Variants in RAPGEF2 observed in about 807,000 individuals in gnomAD.
RAPGEF2 encodes Rap guanine nucleotide exchange factor 2, also known as PDZ domain containing guanine nucleotide exchange factor (GEF) 1.
Under a neutral mutation model 186.7 loss-of-function variants are expected in RAPGEF2, and 54 were observed. That is an observed-to-expected ratio of 0.29 (90% CI 0.23 to 0.36). The LOEUF (loss-of-function observed/expected upper bound fraction) is 0.36. Ranked by LOEUF, RAPGEF2 falls within the 10% of genes least tolerant of loss-of-function variation. RAPGEF2 has a pLI of 1.00. For synonymous variants in RAPGEF2, 712 were observed against 705.9 expected (o/e 1.01, Z -0.14); for missense variants, 1,532 against 2,045.0 (o/e 0.75, Z 4.84).
At position 159,193,191 on chromosome 4, in the gene RAPGEF2, C is replaced by G. The variant is rs748147960; in HGVS notation, c.141-9C>G. The stretch of plus-strand genomic sequence containing the variant: ...AGATGTTGAACTCATGTTTTTATCT[C>G]TTTTACAGGTTAATGTGTGAAACTG... On this transcript the variant is annotated splice_polypyrimidine_tract_variant and intron_variant, in intron 2 of 29. Transcript: ENST00000691494. 1.0e-4 allele frequency: 150 copies of G among 1,478,916 alleles called. No individual in the cohort carries two copies. The highest frequency in any genetic ancestry group is 1.3e-4 in the Non-Finnish European group (144 of 1,118,588). 91.6% of individuals were successfully genotyped at this position (1,478,916 alleles called of 1,614,324 possible). A position where few individuals can be genotyped will look rare whatever the true frequency, so the allele number is the denominator to read the frequency against.
intron 1 of RAPGEF2, among the ~76,000 whole-genome samples, chr4:159,140,989 G>C (rs1009355736): frequency 6.6e-6 from 1 of 151,950 alleles, no homozygotes; most frequent in African/African-American, 2.4e-5. Context: ...CTGCCACCAC[G>C]GCTGGCTAAT....
intron 3 of RAPGEF2, among the ~76,000 whole-genome samples, chr4:159,198,330 CTTTCT>C (rs750120727): frequency 0.018 from 1,283 of 70,282 alleles, 64 homozygotes; most frequent in African/African-American, 0.081. Flanking sequence ...TTCTTTCTTT[CTTTCT>C]TTTTCTTTCT....
chr4:159,225,156 A>G (rs1324758383), intron 4 of RAPGEF2, among the ~76,000 whole-genome samples: 1 of 152,164 alleles, frequency 6.6e-6, no homozygotes, highest in African/African-American at 2.4e-5. Flanking sequence ...AGAGTTGGGT[A>G]AATAGAAAGA....
chr4:159,145,470 CA>C (rs1261997751), intron 1 of RAPGEF2, among the ~76,000 whole-genome samples: 1 of 151,782 alleles, frequency 6.6e-6, no homozygotes, highest in African/African-American at 2.4e-5. Context: ...GATAATTTAC[CA>C]AAAACATTGC....
In RAPGEF2 at chr4:159,332,624, G is replaced by C. The variant is rs1201933588; in HGVS notation, c.2062G>C (p.Val688Leu). 6.2e-7 allele frequency: 1 copy of C among 1,614,144 alleles called. No individual in the cohort carries two copies. The highest frequency in any genetic ancestry group is 1.1e-5 in the South Asian group (1 of 91,074). The change falls in exon 17 of 30, where the codon GTG becomes CTG. Residue 688 changes from valine to leucine, a missense_variant. This residue lies in a region of RAPGEF2 where 810 missense variants were observed against 1,210.5 expected (regional missense o/e 0.67). Coordinates refer to ENST00000691494, the MANE Select transcript of RAPGEF2 (RefSeq NM_001394067.2). The stretch of plus-strand genomic sequence containing the variant: ...GAACAAAAAAAGTAAAGCCAACACT[G>C]TGGGAGGAAGGAACAAGCTGAAAAA... ...KVNKKSKANT[V>L]GGRNKLKKIL...
intron 1 of RAPGEF2, among the ~76,000 whole-genome samples, chr4:159,116,990 A>G (rs1407442670): frequency 1.3e-5 from 2 of 152,200 alleles, no homozygotes; most frequent in Non-Finnish European, 2.9e-5. Context: ...GTTACCTATA[A>G]CAAGCCTGCA....
intron 3 of RAPGEF2, among the ~76,000 whole-genome samples, chr4:159,194,978 TGAGGGAATG>T (rs1748485461): frequency 6.6e-6 from 1 of 152,134 alleles, no homozygotes; most frequent in Non-Finnish European, 1.5e-5. Context: ...AGGCAAAGAC[TGAGGGAATG>T]GAGGAGTCAG....
intron 18 of RAPGEF2, among the ~76,000 whole-genome samples, 166 bp downstream of exon 18, chr4:159,338,634 TTC>T (rs1469171606): frequency 1.3e-5 from 2 of 152,254 alleles, no homozygotes; most frequent in African/African-American, 4.8e-5. Flanking sequence ...TTGGAACCAG[TTC>T]TCTTTACATT....
At chr4:159,108,770 G>A (rs1439417067) in intron 1 of RAPGEF2, among the ~76,000 whole-genome samples, 3 of 152,118 alleles carry the variant, frequency 2.0e-5, no homozygotes, top group Non-Finnish European at 4.4e-5. Flanking sequence ...TTGGAATAGG[G>A]TCTTGCTTTG....
chr4:159,342,899 T>G, intron 20 of RAPGEF2, 80 bp from the exon 21 acceptor site: 1 of 1,225,276 alleles, frequency 8.2e-7, no homozygotes, highest in Non-Finnish European at 1.2e-6. Flanking sequence ...AGCATAAACA[T>G]AGAGATGTTA....
At chr4:159,269,528 A>G (rs932051569) in intron 7 of RAPGEF2, among the ~76,000 whole-genome samples, 8 of 152,236 alleles carry the variant, frequency 5.3e-5, no homozygotes, top group African/African-American at 9.6e-5. Context: ...CTTTGAAATT[A>G]AACTCTTCTG....
intron 1 of RAPGEF2, among the ~76,000 whole-genome samples, chr4:159,129,788 G>GA (rs1214047400): frequency 1.3e-5 from 2 of 152,176 alleles, no homozygotes; most frequent in Non-Finnish European, 2.9e-5. Context: ...TCCGGACCCT[G>GA]AAAAGAGGGT....
At chr4:159,341,430 G>A (rs1729456279) in intron 19 of RAPGEF2, 134 bp from the exon 20 acceptor site, 3 of 887,904 alleles carry the variant, frequency 3.4e-6, no homozygotes, top group Non-Finnish European at 5.0e-6. Flanking sequence ...TGTCTGTCTT[G>A]GTTAAAAAGA....
At chr4:159,143,001 T>C (rs1464188154) in intron 1 of RAPGEF2, among the ~76,000 whole-genome samples, 1 of 152,222 alleles carries the variant, frequency 6.6e-6, no homozygotes, top group Non-Finnish European at 1.5e-5. Flanking sequence ...ATATAATTTG[T>C]GAATTGAGCT....
chr4:159,109,477 T>G (rs1738257805), intron 1 of RAPGEF2, among the ~76,000 whole-genome samples: 1 of 152,238 alleles, frequency 6.6e-6, no homozygotes, highest in Non-Finnish European at 1.5e-5. Context: ...GGATAATAGC[T>G]GTCTGAGGTT....
chr4:159,315,876 G>T (rs1764530533), intron 9 of RAPGEF2, among the ~76,000 whole-genome samples: 1 of 152,214 alleles, frequency 6.6e-6, no homozygotes, highest in African/African-American at 2.4e-5. Context: ...GACCACTGAA[G>T]CACAGGATCA....
Position 159,338,342 on chromosome 4 carries a change from A to G in RAPGEF2, c.2167A>G (p.Ser723Gly). Reference protein sequence around the residue: ...DIGIGQSQDDSIVGLRQTKHI... With the variant: ...DIGIGQSQDDGIVGLRQTKHI... ...TGGGATTGGTCAGTCTCAAGATGAC[A>G]GCATAGTAGGATTAAGGCAGACAAA... The change falls in exon 18 of 30, where the codon AGC (serine) becomes GGC (glycine). Residue 723 changes from serine to glycine, a missense_variant. Around this residue, in one of 4 missense-constraint regions of RAPGEF2, gnomAD observed 810 missense variants for 1,210.5 expected, o/e 0.67. Coordinates refer to ENST00000691494, the MANE Select transcript of RAPGEF2 (RefSeq NM_001394067.2). 6.2e-7 allele frequency: 1 copy of G among 1,614,040 alleles called. No individual in the cohort carries two copies. The highest frequency in any genetic ancestry group is 8.5e-7 in the Non-Finnish European group (1 of 1,179,970).
chr4:159,273,949 G>A (rs1461132196), intron 7 of RAPGEF2, among the ~76,000 whole-genome samples: 1 of 151,926 alleles, frequency 6.6e-6, no homozygotes, highest in Non-Finnish European at 1.5e-5. Context: ...GTGCCACCAC[G>A]CCCAGCTAAT....
At chr4:159,313,352 C>A (rs927762547) in intron 8 of RAPGEF2, among the ~76,000 whole-genome samples, 7 of 151,986 alleles carry the variant, frequency 4.6e-5, no homozygotes, top group Non-Finnish European at 1.0e-4. Flanking sequence ...AGCAGCATGA[C>A]CTTGGAAAAA....
Sources: gnomAD v4.1 joint callset for allele counts (sites outside exome capture counted in the v4.1 genomes callset) on GRCh38, gnomAD v4.1.1 for gene constraint, gnomAD v4.1.1 regional missense constraint, MANE v1.5 for transcripts, NCBI Gene and HGNC (gene_info 2026-07-23, HGNC 2026-07-21) for gene names.